FBXL7: variants seen among roughly 807,000 people sequenced by gnomAD.
The protein encoded by FBXL7 is F-box and leucine rich repeat protein 7.
Under a neutral mutation model 38.3 loss-of-function variants are expected in FBXL7, and 12 were observed. That is an observed-to-expected ratio of 0.31 (90% CI 0.20 to 0.51). The LOEUF is 0.51. Among genes scored for constraint, FBXL7 ranks in the 20% least tolerant of loss-of-function variants. The pLI, the probability that FBXL7 is intolerant of heterozygous loss-of-function variation, is 0.98. For missense variants in FBXL7, 567 were observed against 676.4 expected, an observed-to-expected ratio of 0.84 and a Z score of 1.79; for synonymous variants, 297 against 300.9, an observed-to-expected ratio of 0.99 and a Z score of 0.13.
At chr5:15,894,645 T>C (rs538965734) in intron 2 of FBXL7, among the ~76,000 whole-genome samples, 42 of 152,318 alleles carry the variant, frequency 2.8e-4, no homozygotes, top group Non-Finnish European at 3.5e-4. Context: ...CCTAAAAGAT[T>C]CCTTCTAAGG....
chr5:15,765,450 C>T (rs375089162), intron 2 of FBXL7, among the ~76,000 whole-genome samples: 1 of 152,118 alleles, frequency 6.6e-6, no homozygotes, highest in East Asian at 1.9e-4. Flanking sequence ...CCAAGATGTG[C>T]ATCACAACTG....
Position 15,705,647 on chromosome 5 carries a change from A to G in FBXL7, c.127+89575A>G, listed in dbSNP as rs577890657. Among the ~76,000 whole-genome samples, 5 of 152,340 alleles carry G rather than the reference A, an allele frequency of 3.3e-5. No homozygotes were observed. The East Asian group carries it at 9.6e-4, about 29-fold the overall frequency. On this transcript the variant is annotated intron_variant, in intron 2 of 3. Transcript: ENST00000504595. ...TCAAAATAGGAAAATAATATACAAC[A>G]TAAATCAGCCCTCACATTTTGACAT...
chr5:15,540,456 T>TC, intron 1 of FBXL7, among the ~76,000 whole-genome samples: 1 of 152,224 alleles, frequency 6.6e-6, no homozygotes, highest in East Asian at 1.9e-4. Context: ...TAACTTCTTG[T>TC]CCCCCATCTC....
chr5:15,556,002 T>TATCC (rs1316063774), intron 1 of FBXL7, among the ~76,000 whole-genome samples: 2 of 121,310 alleles, frequency 1.6e-5, no homozygotes, highest in African/African-American at 3.6e-5. Context: ...TCTATCTATC[T>TATCC]ATCTATCTAT....
chr5:15,556,250 C>T (rs1738236687), intron 1 of FBXL7, among the ~76,000 whole-genome samples: 1 of 151,988 alleles, frequency 6.6e-6, no homozygotes. Flanking sequence ...AAGTCAAAGG[C>T]CTGAGAACCA....
chr5:15,509,213 T>C (rs1228771862), intron 1 of FBXL7, among the ~76,000 whole-genome samples: 1 of 152,202 alleles, frequency 6.6e-6, no homozygotes, highest in Non-Finnish European at 1.5e-5. Context: ...AGAGTGGCAG[T>C]TCTTCCTCCT....
intron 2 of FBXL7, among the ~76,000 whole-genome samples, chr5:15,868,700 G>T (rs958157857): frequency 6.6e-6 from 1 of 152,128 alleles, no homozygotes; most frequent in East Asian, 1.9e-4. Flanking sequence ...CAGCCTGGAA[G>T]GATCTCCCCG....
intron 2 of FBXL7, among the ~76,000 whole-genome samples, chr5:15,848,985 G>A (rs967995294): frequency 6.6e-6 from 1 of 152,210 alleles, no homozygotes; most frequent in Non-Finnish European, 1.5e-5. Flanking sequence ...GATGGCAGCT[G>A]CTGAGATGGA....
chr5:15,611,057 G>T (rs1740216972), intron 1 of FBXL7, among the ~76,000 whole-genome samples: 1 of 152,180 alleles, frequency 6.6e-6, no homozygotes, highest in South Asian at 2.1e-4. Context: ...TGTAATACAA[G>T]ATGACACAGT....
intron 2 of FBXL7, among the ~76,000 whole-genome samples, chr5:15,821,758 T>C (rs1332202514): frequency 6.6e-6 from 1 of 152,186 alleles, no homozygotes; most frequent in East Asian, 1.9e-4. Context: ...CCCTCACTCA[T>C]CCCCACCAAG....
intron 2 of FBXL7, among the ~76,000 whole-genome samples, chr5:15,833,094 G>A (rs1056148898): frequency 1.3e-5 from 2 of 152,190 alleles, no homozygotes; most frequent in Non-Finnish European, 2.9e-5. Context: ...ATGTGGAACT[G>A]TGAATTGATT....
At chr5:15,617,421 A>G (rs973889553) in intron 2 of FBXL7, among the ~76,000 whole-genome samples, 1 of 140,964 alleles carries the variant, frequency 7.1e-6, no homozygotes, top group African/African-American at 2.7e-5. Flanking sequence ...CTGATTCTAG[A>G]CATTTATTTA....
intron 1 of FBXL7, among the ~76,000 whole-genome samples, chr5:15,509,404 C>G (rs1325188923): frequency 9.9e-5 from 15 of 152,096 alleles, no homozygotes; most frequent in Admixed American, 6.6e-5. Context: ...GGCATGGAGG[C>G]CAGTGATTTC....
chr5:15,668,912 G>T (rs1187415710), intron 2 of FBXL7, among the ~76,000 whole-genome samples: 1 of 152,186 alleles, frequency 6.6e-6, no homozygotes, highest in Non-Finnish European at 1.5e-5. Context: ...TTTGTAAAAT[G>T]AGGATGAAAA....
intron 2 of FBXL7, among the ~76,000 whole-genome samples, chr5:15,890,442 T>C (rs1420389052): frequency 1.3e-5 from 2 of 152,078 alleles, no homozygotes; most frequent in Non-Finnish European, 2.9e-5. Flanking sequence ...GGTTTCTCCA[T>C]GTTGGTCAGG....
chr5:15,921,147 C>T (rs548684250), intron 2 of FBXL7, among the ~76,000 whole-genome samples: 1 of 152,080 alleles, frequency 6.6e-6, no homozygotes, highest in East Asian at 1.9e-4. Flanking sequence ...TTTGGGAGGC[C>T]GAGGCAGGCA....
At chr5:15,748,513 TC>T (rs1736071169) in intron 2 of FBXL7, among the ~76,000 whole-genome samples, 3 of 152,142 alleles carry the variant, frequency 2.0e-5, no homozygotes. Flanking sequence ...AAATGGGAGT[TC>T]CCCTACATAA....
chr5:15,890,713 A>G (rs1350459363), intron 2 of FBXL7, among the ~76,000 whole-genome samples: 2 of 152,122 alleles, frequency 1.3e-5, no homozygotes, highest in Admixed American at 1.3e-4. Flanking sequence ...CTTCCATGGA[A>G]CTAGTCTCTG....
intron 2 of FBXL7, among the ~76,000 whole-genome samples, chr5:15,730,575 G>A (rs542104367): frequency 2.0e-5 from 3 of 152,276 alleles, no homozygotes; most frequent in South Asian, 4.1e-4. Context: ...TTCTGTCAAT[G>A]TGGACTACTG....
Sources: allele counts gnomAD v4.1 joint callset (sites outside exome capture counted in the v4.1 genomes callset), GRCh38; gene constraint gnomAD v4.1.1; transcripts MANE v1.5; gene names NCBI Gene and HGNC (gene_info 2026-07-23, HGNC 2026-07-21).